MEIS2: variants seen among roughly 807,000 people sequenced by gnomAD.
MEIS2 encodes Meis homeobox 2, also known as homeobox protein Meis2.
MEIS2 carries 9 observed loss-of-function variants against 58.6 expected under a neutral mutation model. That is an observed-to-expected ratio of 0.15 (90% CI 0.09 to 0.27). MEIS2 has a LOEUF of 0.27. Among genes scored for constraint, MEIS2 ranks in the 10% least tolerant of loss-of-function variants. The pLI, the probability that MEIS2 is intolerant of heterozygous loss-of-function variation, is 1.00. For missense variants in MEIS2, 427 were observed against 635.0 expected (o/e 0.67, Z 3.52); for synonymous variants, 221 against 228.4 (o/e 0.97, Z 0.29).
rs1259994950 is a variant in MEIS2 at position 37,098,123 on chromosome 15, G to A, written c.89C>T (p.Pro30Leu). 6.2e-7 allele frequency: 1 copy of A among 1,613,374 alleles called. No individual in the cohort carries two copies. Among genetic ancestry groups the A allele is most frequent in the African/African-American group, 1.3e-5 (1 of 74,850 alleles). ...GTGGTGAACCGGGGGGATCGGCCGC[G>A]GCGCGTGAGGGTCTCCGTACATGGA... ...PASMYGDPHA[P>L]RPIPPVHHLN... Residue 30 changes from proline to leucine, a missense_variant, in exon 2 of 12, where the codon CCG becomes CTG. By Grantham distance (98) the Pro-to-Leu change is moderately conservative. Transcript: ENST00000561208.
At chr15:37,095,668 C>CT in intron 3 of MEIS2, 54 bp from the exon 4 acceptor site, 1 of 1,613,658 alleles carries the variant, frequency 6.2e-7, no homozygotes, top group Non-Finnish European at 8.5e-7. Flanking sequence ...AATAAGAAAG[C>CT]TGAAATGTGA....
At chr15:37,024,687 A>G (rs2061640455) in intron 8 of MEIS2, among the ~76,000 whole-genome samples, 1 of 152,214 alleles carries the variant, frequency 6.6e-6, no homozygotes, top group African/African-American at 2.4e-5. Context: ...AATTCCACTT[A>G]TCACTTGCTG....
chr15:37,095,623 A>G lies in MEIS2; in HGVS notation c.388-9T>C. The G allele has an allele frequency of 1.2e-6, 2 of 1,614,190 alleles. No individual in the cohort carries two copies. Among genetic ancestry groups the G allele is most frequent in the Non-Finnish European group, 1.7e-6 (2 of 1,180,030 alleles). On this transcript the variant is annotated splice_polypyrimidine_tract_variant and intron_variant, in intron 3 of 11. Transcript: ENST00000561208. ...GGCTTTTCGGCGCGAACCTGTAAGAAACAGAGAGTCAACTTGAACGATCAC... is the reference window on the plus strand; with the variant it reads ...GGCTTTTCGGCGCGAACCTGTAAGAGACAGAGAGTCAACTTGAACGATCAC...
At chr15:36,947,734 A>G (rs1595784797) in intron 9 of MEIS2, among the ~76,000 whole-genome samples, 1 of 151,884 alleles carries the variant, frequency 6.6e-6, no homozygotes, top group Non-Finnish European at 1.5e-5. Context: ...TTTAGGAACT[A>G]CACTCTGATC....
chr15:36,929,758 A>C (rs2057897535), intron 9 of MEIS2, among the ~76,000 whole-genome samples: 1 of 152,224 alleles, frequency 6.6e-6, no homozygotes, highest in African/African-American at 2.4e-5. Flanking sequence ...GTGGTTTTGA[A>C]GGAGGCAGCA....
chr15:36,916,064 T>C (rs935590211), intron 9 of MEIS2, among the ~76,000 whole-genome samples: 1 of 152,162 alleles, frequency 6.6e-6, no homozygotes, highest in East Asian at 1.9e-4. Context: ...CAGGTGTCAG[T>C]TAATGCTCAT....
rs948436138 is a variant in MEIS2 at position 37,021,595 on chromosome 15, TTC to T, written c.900+15217_900+15218del. Among the ~76,000 whole-genome samples, 182 of 152,338 alleles carry T rather than the reference TTC, an allele frequency of 1.2e-3. 2 individuals carry two copies. Among genetic ancestry groups the T allele is most frequent in the Admixed American group, 0.012 (181 of 15,304 alleles). On this transcript the variant is annotated intron_variant, in intron 8 of 11. Transcript: ENST00000561208. ...AAACCTAAAAATGTTCTTTCTCTGC[TTC>T]TCTGTTTCTCTCTCTTATTCTGCAC... is the stretch of plus-strand genomic sequence containing the variant.
At chr15:37,065,779 C>T (rs551581436) in intron 7 of MEIS2, among the ~76,000 whole-genome samples, 13 of 152,152 alleles carry the variant, frequency 8.5e-5, no homozygotes, top group Admixed American at 8.5e-4. Context: ...TAAAAACCCA[C>T]GATATAAAAT....
chr15:36,932,866 C>T (rs2058033227), intron 9 of MEIS2, among the ~76,000 whole-genome samples: 1 of 152,094 alleles, frequency 6.6e-6, no homozygotes. Flanking sequence ...AAGTGATGGA[C>T]AAAGGAATTC....
chr15:37,050,376 T>A (rs2062863389), intron 7 of MEIS2, among the ~76,000 whole-genome samples: 1 of 152,224 alleles, frequency 6.6e-6, no homozygotes, highest in Non-Finnish European at 1.5e-5. Context: ...TTTCTTGAAA[T>A]ATGCTTTTAT....
chr15:36,896,936 G>C (rs2056208696), intron 9 of MEIS2: 1 of 393,080 alleles, frequency 2.5e-6, no homozygotes, highest in Admixed American at 4.1e-5. Context: ...CCATGAGAAA[G>C]CTTCTATTAA....
intron 8 of MEIS2, among the ~76,000 whole-genome samples, chr15:36,970,284 G>C (rs934479867): frequency 1.3e-5 from 2 of 151,834 alleles, no homozygotes; most frequent in Non-Finnish European, 2.9e-5. Flanking sequence ...GGCGCCTGTA[G>C]TCCCAGCTAC....
intron 9 of MEIS2, among the ~76,000 whole-genome samples, chr15:36,936,793 A>T (rs1483252945): frequency 6.6e-6 from 1 of 152,194 alleles, no homozygotes; most frequent in Admixed American, 6.5e-5. Flanking sequence ...TATTTCTCCA[A>T]ATATAGTCAG....
Position 37,061,535 on chromosome 15 carries a change from C to T in MEIS2, c.754+22236G>A, listed in dbSNP as rs1176136022. ...GAGGGTTTGTAGTTGCAGAGGTAGC[C>T]GCACTAAAAATTTACACATTAAGAA... On this transcript the variant is annotated intron_variant, in intron 7 of 11. Transcript: ENST00000561208. Among the ~76,000 whole-genome samples the T allele has an allele frequency of 3.9e-5, 6 of 152,116 alleles. No individual in the cohort carries two copies. In the South Asian group the frequency reaches 8.3e-4, roughly 21 times the overall value.
intron 7 of MEIS2, among the ~76,000 whole-genome samples, chr15:37,037,846 G>A (rs2141741842): frequency 6.6e-6 from 1 of 152,254 alleles, no homozygotes; most frequent in South Asian, 2.1e-4. Flanking sequence ...AGCAATATAT[G>A]CCATATCCCT....
chr15:36,906,803 C>G (rs1270943312), intron 9 of MEIS2, among the ~76,000 whole-genome samples: 2 of 152,102 alleles, frequency 1.3e-5, no homozygotes, highest in Admixed American at 1.3e-4. Flanking sequence ...TGGCTACCTC[C>G]AAAAAAATTA....
chr15:36,967,860 T>G (rs2059408190), intron 8 of MEIS2, among the ~76,000 whole-genome samples: 1 of 152,224 alleles, frequency 6.6e-6, no homozygotes, highest in Non-Finnish European at 1.5e-5. Flanking sequence ...GAATTGGGCA[T>G]GACCATGCAA....
intron 8 of MEIS2, among the ~76,000 whole-genome samples, chr15:37,014,512 A>G (rs2061276601): frequency 6.6e-6 from 1 of 152,212 alleles, no homozygotes; most frequent in African/African-American, 2.4e-5. Context: ...GGGGGATAAA[A>G]ATCTACATAT....
intron 1 of MEIS2, chr15:37,098,601 C>T (rs1381147774): frequency 8.8e-6 from 2 of 228,108 alleles, no homozygotes; most frequent in Non-Finnish European, 1.5e-5. Context: ...GAGGAGGCGG[C>T]GAGGCCGGGG....
Sources: gnomAD v4.1 joint callset for allele counts (sites outside exome capture counted in the v4.1 genomes callset) on GRCh38, gnomAD v4.1.1 for gene constraint, MANE v1.5 for transcripts, NCBI Gene and HGNC (gene_info 2026-07-23, HGNC 2026-07-21) for gene names.